Variants in PDZD9 observed in about 807,000 individuals in gnomAD.
PDZD9 encodes PDZ domain containing 9.
A neutral mutation model predicts 16.3 loss-of-function variants in PDZD9; 13 were observed. The ratio of observed to expected loss-of-function variants is 0.80; its 90% CI spans 0.52 to 1.27. The LOEUF is 1.27. PDZD9 is among the 50% of genes most tolerant of loss of function. The probability of loss-of-function intolerance (pLI) is 0.00; values close to 1 mark genes in which losing one functional copy is unlikely to be tolerated. For synonymous variants in PDZD9, 120 were observed against 111.0 expected (o/e 1.08, Z -0.51); for missense variants, 288 against 310.9 (o/e 0.93, Z 0.55).
At chr16:21,961,117 T>A in the PDZD9 span, among the ~76,000 whole-genome samples, 1 of 152,324 alleles carries the variant, frequency 6.6e-6, no homozygotes, top group East Asian at 1.9e-4. Context: ...TGTGAGCCAC[T>A]GCACCCAGCC....
intron 1 of PDZD9, among the ~76,000 whole-genome samples, chr16:21,998,593 G>A (rs1272082384): frequency 6.6e-6 from 1 of 151,952 alleles, no homozygotes; most frequent in Non-Finnish European, 1.5e-5. Flanking sequence ...TTGGGAGGCT[G>A]AGGCACGAGA....
rs1898940517 is a variant in PDZD9, at chr16:21,988,622, C to T, written c.381G>A (p.Glu127=). 11 of 1,610,730 alleles carry T rather than the reference C, an allele frequency of 6.8e-6. No individual in the cohort carries two copies. Among genetic ancestry groups the T allele is most frequent in the East Asian group, 2.2e-5 (1 of 44,834 alleles). The part of the protein sequence containing the change: ...EWQEIYDLIP[E]AKFPVTSTPK... ...TTTACCTTGTTACTGGGAATTTGGCCTCAGGGATTAAATCATATATTTCTT... is the reference window on the plus strand; with the variant it reads ...TTTACCTTGTTACTGGGAATTTGGCTTCAGGGATTAAATCATATATTTCTT... The change falls in exon 3 of 4, where the codon GAG becomes GAA. Residue 127 remains glutamate (E), a synonymous_variant. Transcript: ENST00000424898.
At chr16:21,957,973 A>G in the PDZD9 span, among the ~76,000 whole-genome samples, 5 of 152,202 alleles carry the variant, frequency 3.3e-5, no homozygotes, top group Non-Finnish European at 7.3e-5. Context: ...GATACCAGTT[A>G]CATTAGATTT....
intron 2 of PDZD9, among the ~76,000 whole-genome samples, chr16:21,995,034 G>C (rs529041847): frequency 6.6e-6 from 1 of 152,164 alleles, no homozygotes; most frequent in South Asian, 2.1e-4. Context: ...GTTTGGATTT[G>C]TGTCCCCGCC....
chr16:21,971,244 CAA>C, the PDZD9 span, among the ~76,000 whole-genome samples: 28 of 151,988 alleles, frequency 1.8e-4, no homozygotes, highest in Non-Finnish European at 2.5e-4. Flanking sequence ...AAGTTAGAAA[CAA>C]TATCAATAGA....
intron 2 of PDZD9, among the ~76,000 whole-genome samples, chr16:21,990,251 G>T (rs1898990492): frequency 6.6e-6 from 1 of 152,176 alleles, no homozygotes; most frequent in African/African-American, 2.4e-5. Context: ...TAAGTCTTCA[G>T]ATCTTACTAG....
chr16:21,977,548 T>C, the PDZD9 span, among the ~76,000 whole-genome samples: 4 of 152,212 alleles, frequency 2.6e-5, no homozygotes, highest in Non-Finnish European at 5.9e-5. Context: ...TGGCAATTTA[T>C]AAATCCCCAC....
the PDZD9 span, among the ~76,000 whole-genome samples, chr16:21,965,078 C>T: frequency 6.6e-6 from 1 of 151,950 alleles, no homozygotes; most frequent in African/African-American, 2.4e-5. Flanking sequence ...AAGATGGCGG[C>T]AGAACCATAA....
the PDZD9 span, among the ~76,000 whole-genome samples, chr16:21,974,899 C>A: frequency 1.3e-5 from 2 of 152,098 alleles, no homozygotes; most frequent in Non-Finnish European, 2.9e-5. Context: ...AGACAGGAGG[C>A]TAAGTCATGT....
the PDZD9 span, among the ~76,000 whole-genome samples, chr16:21,970,038 G>A: frequency 2.0e-5 from 3 of 151,930 alleles, no homozygotes; most frequent in East Asian, 5.8e-4. Context: ...GACTATTCTG[G>A]ACATTTCCTA....
the PDZD9 span, chr16:21,965,448 C>G: frequency 6.2e-7 from 1 of 1,613,918 alleles, no homozygotes; most frequent in South Asian, 1.1e-5. Context: ...ACCGGAATGC[C>G]TTGGCTAATC....
chr16:22,000,537 A>G (rs1899267959), intron 1 of PDZD9, among the ~76,000 whole-genome samples: 1 of 152,028 alleles, frequency 6.6e-6, no homozygotes, highest in Non-Finnish European at 1.5e-5. Flanking sequence ...TGTACTTTTA[A>G]AAGGGGGGAT....
At chr16:22,000,417 G>A (rs1339743594) in intron 1 of PDZD9, among the ~76,000 whole-genome samples, 2 of 151,968 alleles carry the variant, frequency 1.3e-5, no homozygotes, top group African/African-American at 4.8e-5. Flanking sequence ...AGTGGGGTGG[G>A]GTTTGGCTGC....
chr16:21,973,916 T>C, the PDZD9 span: 1 of 1,613,106 alleles, frequency 6.2e-7, no homozygotes, highest in Non-Finnish European at 8.5e-7. Flanking sequence ...TTAATGCCAG[T>C]TACTCAGATT....
At chr16:21,966,328 T>A in the PDZD9 span, among the ~76,000 whole-genome samples, 1 of 152,118 alleles carries the variant, frequency 6.6e-6, no homozygotes, top group Non-Finnish European at 1.5e-5. Flanking sequence ...GTTTGCTGGC[T>A]ATAGGGGTTT....
intron 1 of PDZD9, among the ~76,000 whole-genome samples, chr16:21,997,241 G>A (rs557855505): frequency 5.9e-5 from 9 of 152,334 alleles, no homozygotes; most frequent in Non-Finnish European, 1.2e-4. Context: ...GAAAAGGACG[G>A]AGGGCTCTGA....
chr16:21,965,564 C>T, the PDZD9 span: 3 of 1,332,440 alleles, frequency 2.3e-6, no homozygotes, highest in Admixed American at 2.7e-5. Context: ...GAACATCTCC[C>T]ATTTCAGGTT....
At chr16:21,963,534 T>C in the PDZD9 span, among the ~76,000 whole-genome samples, 42 of 152,066 alleles carry the variant, frequency 2.8e-4, no homozygotes, top group East Asian at 8.0e-3. Flanking sequence ...AGTGGCACAA[T>C]CTCACTGCAG....
chr16:21,995,649 G>C (rs1157998753), intron 2 of PDZD9, among the ~76,000 whole-genome samples: 1 of 152,134 alleles, frequency 6.6e-6, no homozygotes, highest in East Asian at 1.9e-4. Context: ...CCAGGCTGGA[G>C]TACAGTGCTG....
Sources: allele counts gnomAD v4.1 joint callset (sites outside exome capture counted in the v4.1 genomes callset), GRCh38; gene constraint gnomAD v4.1.1; transcripts MANE v1.5; gene names NCBI Gene and HGNC (gene_info 2026-07-23, HGNC 2026-07-21).